Variants in QTGAL observed in about 807,000 individuals in gnomAD.
The protein encoded by QTGAL is queuosine-tRNA galactosyltransferase.
At chr17:83,013,351 C>T in the QTGAL span, among the ~76,000 whole-genome samples, 6 of 146,528 alleles carry the variant, frequency 4.1e-5, no homozygotes, top group East Asian at 2.1e-4. Context: ...CCCCCAGCAC[C>T]GCCCACCCCC....
the QTGAL span, among the ~76,000 whole-genome samples, chr17:82,969,783 G>A: frequency 8.5e-3 from 1,290 of 152,242 alleles, 8 homozygotes; most frequent in Non-Finnish European, 0.014. Context: ...CGGCTCAAGC[G>A]CTCCTCCTGC....
chr17:83,024,439 G>A, the QTGAL span, among the ~76,000 whole-genome samples: 1 of 152,262 alleles, frequency 6.6e-6, no homozygotes, highest in East Asian at 1.9e-4. Flanking sequence ...CCACGCACAA[G>A]ACAGGCGCGG....
At chr17:82,982,611 C>G in the QTGAL span, among the ~76,000 whole-genome samples, 32 of 133,984 alleles carry the variant, frequency 2.4e-4, no homozygotes, top group Non-Finnish European at 3.8e-4. Context: ...AAATCTGGTG[C>G]CTTGATCTGG....
the QTGAL span, among the ~76,000 whole-genome samples, chr17:82,971,500 G>T: frequency 6.6e-6 from 1 of 152,108 alleles, no homozygotes; most frequent in African/African-American, 2.4e-5. Flanking sequence ...GGGCCTCCGA[G>T]TGGGAAACCA....
the QTGAL span, chr17:82,942,386 C>T: frequency 4.3e-6 from 7 of 1,611,724 alleles, no homozygotes; most frequent in Non-Finnish European, 2.5e-6. Flanking sequence ...GGTGAGGGTC[C>T]CCTGGCTGGG....
chr17:83,011,398 G>A, the QTGAL span: 5 of 152,166 alleles, frequency 3.3e-5, no homozygotes, highest in Non-Finnish European at 7.4e-5. Flanking sequence ...CTGGTTTCTT[G>A]TAAAAGATCT....
At chr17:82,953,142 G>A in the QTGAL span, among the ~76,000 whole-genome samples, 1 of 152,074 alleles carries the variant, frequency 6.6e-6, no homozygotes, top group Non-Finnish European at 1.5e-5. Flanking sequence ...AACTAGAGAA[G>A]CAAGAGCAAA....
the QTGAL span, among the ~76,000 whole-genome samples, chr17:82,999,506 C>A: frequency 6.6e-6 from 1 of 152,210 alleles, no homozygotes; most frequent in Non-Finnish European, 1.5e-5. Flanking sequence ...GAAAATTTAA[C>A]CACTAATGCC....
chr17:83,005,455 C>T, the QTGAL span: 344,064 of 629,114 alleles, frequency 0.55, 95,029 homozygotes, highest in Middle Eastern at 0.63. The surrounding 1 kb of genome is among the most constrained non-coding windows in gnomAD (Gnocchi z 5.6). Context: ...ACGCGCATCT[C>T]GGCGGTGAAC....
chr17:83,047,346 T>C, the QTGAL span, among the ~76,000 whole-genome samples: 1 of 152,162 alleles, frequency 6.6e-6, no homozygotes, highest in African/African-American at 2.4e-5. Flanking sequence ...CCTAATACTA[T>C]CACCCTGGGG....
chr17:82,988,913 A>G, the QTGAL span, among the ~76,000 whole-genome samples: 2 of 152,218 alleles, frequency 1.3e-5, no homozygotes, highest in Non-Finnish European at 2.9e-5. Flanking sequence ...GGGAATGTAA[A>G]TTAGTCCAAC....
At chr17:82,963,046 G>A in the QTGAL span, among the ~76,000 whole-genome samples, 28,010 of 152,126 alleles carry the variant, frequency 0.18, 2,662 homozygotes, top group Admixed American at 0.23. Context: ...CGCAGGGAGA[G>A]GGGGAGGGGT....
the QTGAL span, chr17:82,944,600 A>G: frequency 1.1e-4 from 16 of 152,350 alleles, no homozygotes; most frequent in African/African-American, 3.4e-4. Context: ...CCAATGGCAG[A>G]AAAGAGAATG....
chr17:83,026,594 G>A, the QTGAL span, among the ~76,000 whole-genome samples: 1 of 149,036 alleles, frequency 6.7e-6, no homozygotes, highest in Admixed American at 6.7e-5. Context: ...GGAGCCTGCA[G>A]ACAAACCCAC....
the QTGAL span, among the ~76,000 whole-genome samples, chr17:82,974,643 G>A: frequency 6.6e-6 from 1 of 152,248 alleles, no homozygotes; most frequent in South Asian, 2.1e-4. Flanking sequence ...TCCACCCAGG[G>A]TCTAATCAGC....
chr17:82,969,583 G>A, the QTGAL span, among the ~76,000 whole-genome samples: 2 of 152,326 alleles, frequency 1.3e-5, no homozygotes, highest in South Asian at 4.1e-4. Context: ...GTGGGAATTC[G>A]AGCCTCGCCT....
chr17:82,942,521 G>A, the QTGAL span: 602 of 1,612,988 alleles, frequency 3.7e-4, no homozygotes, highest in Non-Finnish European at 4.4e-4. Flanking sequence ...TGTTCCTGAG[G>A]GAGGCCGGTG....
At chr17:82,999,288 AG>A in the QTGAL span, among the ~76,000 whole-genome samples, 1,793 of 151,860 alleles carry the variant, frequency 0.012, 44 homozygotes, top group African/African-American at 0.041. Flanking sequence ...GCACACACAA[AG>A]GCTTGTACAT....
chr17:82,995,681 C>T, the QTGAL span, among the ~76,000 whole-genome samples: 27 of 152,104 alleles, frequency 1.8e-4, no homozygotes, highest in African/African-American at 6.5e-4. Context: ...CTATGTCCGG[C>T]CATCAGTAGC....
Sources: allele counts gnomAD v4.1 joint callset (sites outside exome capture counted in the v4.1 genomes callset), GRCh38; gene constraint gnomAD v4.1.1; non-coding constraint Gnocchi (gnomAD v3.1); transcripts MANE v1.5; gene names NCBI Gene and HGNC (gene_info 2026-07-23, HGNC 2026-07-21).